Variants in SYNE3 observed in about 807,000 individuals in gnomAD.
SYNE3 encodes nesprin-3.
In SYNE3, 100 loss-of-function variants were observed where a neutral mutation model predicts 111.2. The observed-to-expected ratio is 0.90, with a 90% CI of 0.77 to 1.06. SYNE3 has a LOEUF of 1.06. Among genes scored for constraint, SYNE3 ranks in the 50% least tolerant of loss-of-function variants. SYNE3 has a pLI of 0.00. For synonymous variants in SYNE3, 547 were observed against 533.9 expected (o/e 1.02, Z -0.34); for missense variants, 1,160 against 1,240.3 (o/e 0.94, Z 0.97).
At chr14:95,434,475 C>G (rs976088006) in intron 15 of SYNE3, among the ~76,000 whole-genome samples, 2 of 152,158 alleles carry the variant, frequency 1.3e-5, no homozygotes, top group African/African-American at 4.8e-5. Context: ...AGCCTTCACC[C>G]TATTAAAAAT....
chr14:95,493,766 T>C (rs1030667730), intron 1 of SYNE3, among the ~76,000 whole-genome samples: 2 of 152,210 alleles, frequency 1.3e-5, no homozygotes, highest in Non-Finnish European at 2.9e-5. Flanking sequence ...GGCATACAAA[T>C]AGCCTTGAGC....
chr14:95,463,209 C>T (rs923837251), intron 4 of SYNE3, among the ~76,000 whole-genome samples: 10 of 152,016 alleles, frequency 6.6e-5, no homozygotes, highest in East Asian at 1.9e-4. Flanking sequence ...CATAAAAAGA[C>T]TGGGGGAGCA....
intron 15 of SYNE3, among the ~76,000 whole-genome samples, chr14:95,433,778 T>C (rs1278013356): frequency 1.3e-5 from 2 of 152,222 alleles, no homozygotes; most frequent in Non-Finnish European, 2.9e-5. Context: ...AGAATGGTGT[T>C]TTAATGTGCA....
rs372531003 is a variant in SYNE3 at position 95,455,476 on chromosome 14, C to T, written c.1038G>A (p.Glu346=). ...QIKQLEAELS[E]FRMVLQRLAQ... is the part of the protein sequence containing the mutation. ...CCAGCCTCTGCAGGACCATCCTGAA[C>T]TCACTGAGCTCAGCCTCCAGCTGCT... Residue 346 remains glutamate (E), a synonymous_variant, in exon 6 of 18, where the codon GAG becomes GAA. Transcript: ENST00000682763. 4 of 1,613,374 alleles carry T rather than the reference C, an allele frequency of 2.5e-6. No individual in the cohort carries two copies. In the African/African-American group the frequency reaches 4.0e-5, roughly 16 times the overall value.
At chr14:95,453,329 G>A (rs537393747) in intron 6 of SYNE3, among the ~76,000 whole-genome samples, 4 of 152,242 alleles carry the variant, frequency 2.6e-5, no homozygotes, top group African/African-American at 9.6e-5. Context: ...ACCTCTGACC[G>A]ATCCTCCATT....
chr14:95,415,648 T>C lies in SYNE3; in HGVS notation c.*2178A>G, dbSNP rs549153208. The C allele has an allele frequency of 1.3e-5, 2 of 151,426 alleles. No homozygotes were observed. The highest frequency in any genetic ancestry group is 3.9e-4 in the East Asian group (2 of 5,124). The allele number at this position is 151,426 out of a possible 1,614,324, so 9.4% of individuals were successfully genotyped here. ...GGGCTTGTTTTCCAAAGAAAAGTGT[T>C]GTTTGGAGGAGCATAATTATAAGCC... On this transcript the variant is annotated 3_prime_UTR_variant, in exon 18 of 18. Coordinates refer to ENST00000682763, the MANE Select transcript of SYNE3 (RefSeq NM_152592.6).
At chr14:95,483,730 T>A (rs968584443) in intron 1 of SYNE3, among the ~76,000 whole-genome samples, 1 of 152,180 alleles carries the variant, frequency 6.6e-6, no homozygotes, top group Non-Finnish European at 1.5e-5. Context: ...GAGCAATTAC[T>A]GGGCTTCATT....
At chr14:95,456,703 G>C (rs1337854526) in intron 5 of SYNE3, among the ~76,000 whole-genome samples, 1 of 152,144 alleles carries the variant, frequency 6.6e-6, no homozygotes, top group African/African-American at 2.4e-5. Context: ...CAAGCGTTTA[G>C]ACTAGATTCC....
chr14:95,455,071 C>T (rs916170482), intron 6 of SYNE3, among the ~76,000 whole-genome samples: 6 of 152,196 alleles, frequency 3.9e-5, no homozygotes, highest in Non-Finnish European at 4.4e-5. Context: ...AGGAGAGTAG[C>T]TTTGAGGCCC....
chr14:95,432,202 G>T (rs1885813649), intron 16 of SYNE3, 85 bp from the exon 17 acceptor site: 1 of 1,480,436 alleles, frequency 6.8e-7, no homozygotes, highest in Non-Finnish European at 9.2e-7. Context: ...GCCTGTAATG[G>T]AATATTCGTT....
chr14:95,494,469 T>C (rs1192132194), intron 1 of SYNE3, among the ~76,000 whole-genome samples: 1 of 152,076 alleles, frequency 6.6e-6, no homozygotes, highest in Non-Finnish European at 1.5e-5. Flanking sequence ...AAGGCCAAGT[T>C]CAGGCTGCAG....
intron 4 of SYNE3, among the ~76,000 whole-genome samples, chr14:95,463,058 A>G (rs1015930678): frequency 6.6e-6 from 1 of 152,174 alleles, no homozygotes; most frequent in Non-Finnish European, 1.5e-5. Context: ...CGGGAGGCTG[A>G]GGCAGGAGAA....
chr14:95,463,314 T>C (rs12434159), intron 4 of SYNE3, among the ~76,000 whole-genome samples: 103,985 of 152,096 alleles, frequency 0.68, 35,723 homozygotes, highest in Admixed American at 0.73. Context: ...AGGGGAGAAC[T>C]CCCTGGAATG....
Position 95,409,129 on chromosome 14 carries a change from A to C in SYNE3, c.*8697T>G. On this transcript the variant is annotated 3_prime_UTR_variant, in exon 18 of 18. Transcript: ENST00000682763. ...CCTGCAAAGGAAAGGAAAGCAACTG[A>C]GGCCCAGGGAACATTCCATAGAGTG... 2.2e-6 allele frequency: 1 copy of C among 456,064 alleles called. No individual in the cohort carries two copies. The highest frequency in any genetic ancestry group is 7.0e-5 in the East Asian group (1 of 14,374). 28.3% of individuals were successfully genotyped at this position (456,064 alleles called of 1,614,324 possible). A position where few individuals can be genotyped will look rare whatever the true frequency, so the allele number is the denominator to read the frequency against.
At chr14:95,460,367 GTTTTTTTTTTT>G (rs548346693) in intron 4 of SYNE3, among the ~76,000 whole-genome samples, 2 of 85,238 alleles carry the variant, frequency 2.3e-5, no homozygotes, top group African/African-American at 4.6e-5. Context: ...ACGATGCCTA[GTTTTTTTTTTT>G]TTTTTTTTTT....
chr14:95,475,795 A>G lies in SYNE3; in HGVS notation c.27T>C (p.Phe9=). The G allele has an allele frequency of 1.9e-6, 3 of 1,587,482 alleles. No homozygotes were observed. The highest frequency in any genetic ancestry group is 2.6e-6 in the Non-Finnish European group (3 of 1,168,694). The change falls in exon 2 of 18, where the codon TTT becomes TTC. Residue 9 remains phenylalanine (F), a synonymous_variant. Transcript: ENST00000682763. MTQQPQDD[F]DRSVEDAQAW... is the part of the protein sequence containing the mutation. ...CCTGGGCATCCTCCACGCTCCTGTC[A>G]AAGTCGTCCTGGGGCTGCTGAGTCA...
At chr14:95,491,887 A>C (rs929593923) in intron 1 of SYNE3, among the ~76,000 whole-genome samples, 1 of 152,242 alleles carries the variant, frequency 6.6e-6, no homozygotes, top group Non-Finnish European at 1.5e-5. Context: ...GAAAATCCAA[A>C]GAACTCTTAA....
intron 1 of SYNE3, among the ~76,000 whole-genome samples, chr14:95,489,855 G>A (rs534530569): frequency 2.9e-4 from 44 of 152,308 alleles, no homozygotes; most frequent in Non-Finnish European, 5.3e-4. Flanking sequence ...GAGAAAGGCA[G>A]GAATCAGAGG....
At chr14:95,427,183 C>T (rs968797522) in intron 17 of SYNE3, among the ~76,000 whole-genome samples, 9 of 152,106 alleles carry the variant, frequency 5.9e-5, no homozygotes, top group Non-Finnish European at 1.2e-4. Flanking sequence ...GACAGGGCCA[C>T]CAGAGGGCTC....
Sources: allele counts gnomAD v4.1 joint callset (sites outside exome capture counted in the v4.1 genomes callset), GRCh38; gene constraint gnomAD v4.1.1; transcripts MANE v1.5; gene names NCBI Gene and HGNC (gene_info 2026-07-23, HGNC 2026-07-21).